The following UXS1 variants were observed in gnomAD, a reference collection of about 807,000 sequenced individuals.
The protein encoded by UXS1 is UDP-glucuronate decarboxylase 1.
In UXS1, 33 loss-of-function variants were observed where a neutral mutation model predicts 62.6. That is an observed-to-expected ratio of 0.53 (90% CI 0.40 to 0.70). The LOEUF (loss-of-function observed/expected upper bound fraction) is 0.70. Ranked by LOEUF, UXS1 falls within the 30% of genes least tolerant of loss-of-function variation. The probability of loss-of-function intolerance (pLI) is 0.00; values close to 1 mark genes in which losing one functional copy is unlikely to be tolerated. For synonymous variants in UXS1, 213 were observed against 206.8 expected (o/e 1.03, Z -0.26); for missense variants, 434 against 556.3 (o/e 0.78, Z 2.21).
intron 9 of UXS1, among the ~76,000 whole-genome samples, chr2:106,114,553 A>C (rs1404943668): frequency 6.6e-6 from 1 of 152,214 alleles, no homozygotes; most frequent in Non-Finnish European, 1.5e-5. Flanking sequence ...TAATCAACGC[A>C]ATGTGCCTGG....
chr2:106,177,907 G>A (rs1015749062), intron 1 of UXS1, among the ~76,000 whole-genome samples: 2 of 152,204 alleles, frequency 1.3e-5, no homozygotes, highest in South Asian at 2.1e-4. Context: ...TGTTGCTGAC[G>A]TGACCCAAAT....
chr2:106,178,211 TTCTG>T (rs1204559964), intron 1 of UXS1, among the ~76,000 whole-genome samples: 1 of 152,202 alleles, frequency 6.6e-6, no homozygotes, highest in East Asian at 1.9e-4. Context: ...TTCCGGGCCC[TTCTG>T]TCTATGCCAT....
chr2:106,143,568 G>A (rs1553429848), intron 6 of UXS1, among the ~76,000 whole-genome samples: 1 of 152,082 alleles, frequency 6.6e-6, no homozygotes, highest in Non-Finnish European at 1.5e-5. Flanking sequence ...GATCTGACAG[G>A]TCTACAGGAC....
At chr2:106,190,198 CA>C (rs932939963) in intron 1 of UXS1, among the ~76,000 whole-genome samples, 1 of 152,128 alleles carries the variant, frequency 6.6e-6, no homozygotes, top group African/African-American at 2.4e-5. Flanking sequence ...CTGGAGAAAA[CA>C]AAAAGTAACC....
chr2:106,184,845 A>G (rs753291594), intron 1 of UXS1, among the ~76,000 whole-genome samples: 2 of 152,210 alleles, frequency 1.3e-5, no homozygotes. Flanking sequence ...ATCCAGTCAC[A>G]TATCTACAAA....
At chr2:106,141,395 T>C (rs544458426) in intron 6 of UXS1, among the ~76,000 whole-genome samples, 7 of 152,360 alleles carry the variant, frequency 4.6e-5, no homozygotes, top group African/African-American at 1.7e-4. Flanking sequence ...AGCTGTTTCC[T>C]GAGGAGAGCT....
intron 1 of UXS1, among the ~76,000 whole-genome samples, chr2:106,188,422 A>G (rs991074436): frequency 6.6e-6 from 1 of 152,218 alleles, no homozygotes; most frequent in Non-Finnish European, 1.5e-5. Flanking sequence ...GGCAGCAGAG[A>G]CAGGAAGTCT....
Position 106,112,697 on chromosome 2 carries a change from C to T in UXS1, c.828G>A (p.Gly276=), listed in dbSNP as rs1035203738. The change falls in exon 10 of 15, where the codon GGG becomes GGA. Residue 276 remains glycine (G), a synonymous_variant. Coordinates refer to ENST00000283148, the MANE Select transcript of UXS1 (RefSeq NM_001253875.2). The part of the protein sequence containing the change: ...TFGPRMHMND[G]RVVSNFILQA... ...GCAGGATGAAGTTGCTGACTACTCG[C>T]CCATCGTTCATGTGCATGCGTGGCC... 20 of 1,613,890 alleles carry T rather than the reference C, an allele frequency of 1.2e-5. No homozygotes were observed. In the African/African-American group the frequency reaches 2.1e-4, roughly 17 times the overall value.
chr2:106,109,271 T>C (rs1678378218), intron 10 of UXS1, among the ~76,000 whole-genome samples: 1 of 152,188 alleles, frequency 6.6e-6, no homozygotes, highest in Non-Finnish European at 1.5e-5. Flanking sequence ...ATTGAATAAC[T>C]GTTTAACAAA....
chr2:106,099,407 A>G (rs1448248105), intron 12 of UXS1, among the ~76,000 whole-genome samples: 13 of 152,176 alleles, frequency 8.5e-5, no homozygotes. Context: ...AGAGACCACC[A>G]TAAAGTCTGA....
intron 9 of UXS1, among the ~76,000 whole-genome samples, chr2:106,119,807 T>C (rs1378547417): frequency 6.6e-6 from 1 of 152,206 alleles, no homozygotes; most frequent in Admixed American, 6.5e-5. Context: ...TAAAGAATCA[T>C]CTCAACGTCT....
At chr2:106,125,470 G>T in intron 8 of UXS1, 150 bp downstream of exon 8, 2 of 604,324 alleles carry the variant, frequency 3.3e-6, no homozygotes, top group South Asian at 5.8e-5. Context: ...GGAGCTTGGC[G>T]ACCCGGGAGG....
intron 6 of UXS1, among the ~76,000 whole-genome samples, chr2:106,130,025 A>G (rs1177928992): frequency 6.6e-6 from 1 of 152,244 alleles, no homozygotes; most frequent in Non-Finnish European, 1.5e-5. Context: ...AACCAGAGTC[A>G]ATTCGATTAC....
intron 6 of UXS1, among the ~76,000 whole-genome samples, chr2:106,143,209 C>G (rs553553876): frequency 1.3e-5 from 2 of 151,020 alleles, no homozygotes; most frequent in Admixed American, 6.6e-5. Context: ...GAGATGGAGA[C>G]CATCCTGGCT....
chr2:106,186,794 G>C (rs1033329584), intron 1 of UXS1, among the ~76,000 whole-genome samples: 6 of 151,870 alleles, frequency 4.0e-5, no homozygotes, highest in African/African-American at 1.5e-4. Context: ...TTCCAGCATG[G>C]ACAACAGATT....
At chr2:106,140,197 G>A (rs929919385) in intron 6 of UXS1, among the ~76,000 whole-genome samples, 43 of 152,222 alleles carry the variant, frequency 2.8e-4, no homozygotes, top group African/African-American at 1.0e-3. Flanking sequence ...CCCGGGAGCT[G>A]GGGTTGCCCG....
chr2:106,110,013 G>A (rs1292807237), intron 10 of UXS1, among the ~76,000 whole-genome samples: 1 of 152,188 alleles, frequency 6.6e-6, no homozygotes, highest in African/African-American at 2.4e-5. Context: ...GCAGGCCTGC[G>A]AGTCTCTCCC....
intron 11 of UXS1, 27 bp from the exon 12 acceptor site, chr2:106,101,145 G>A: frequency 6.2e-7 from 1 of 1,612,998 alleles, no homozygotes; most frequent in Non-Finnish European, 8.5e-7. Flanking sequence ...GGCAGGTGAG[G>A]CTCTGCCTGC....
intron 14 of UXS1, among the ~76,000 whole-genome samples, chr2:106,096,377 C>CA (rs1232284622): frequency 6.6e-6 from 1 of 152,050 alleles, no homozygotes; most frequent in Non-Finnish European, 1.5e-5. Flanking sequence ...GTATATATGA[C>CA]AGTGTGAGTG....
Sources: allele counts gnomAD v4.1 joint callset (sites outside exome capture counted in the v4.1 genomes callset), GRCh38; gene constraint gnomAD v4.1.1; transcripts MANE v1.5; gene names NCBI Gene and HGNC (gene_info 2026-07-23, HGNC 2026-07-21).